The following FERMT1 variants were observed in gnomAD, a reference collection of about 807,000 sequenced individuals.
The protein encoded by FERMT1 is fermitin family homolog 1.
FERMT1 carries 60 observed loss-of-function variants against 85.3 expected under a neutral mutation model. The ratio of observed to expected loss-of-function variants is 0.70; its 90% CI spans 0.57 to 0.87. FERMT1 has a LOEUF of 0.87. FERMT1 is among the 40% of genes least tolerant of loss of function. The pLI, the probability that FERMT1 is intolerant of heterozygous loss-of-function variation, is 0.00. For synonymous variants in FERMT1, 275 were observed against 301.1 expected (o/e 0.91, Z 0.90); for missense variants, 701 against 818.9 (o/e 0.86, Z 1.76).
At position 6,083,901 on chromosome 20, in the gene FERMT1, G is replaced by A. The variant is rs1982083404; in HGVS notation, c.1718+139C>T. On this transcript the variant is annotated intron_variant, in intron 13 of 14. Transcript: ENST00000217289. ...AAAATGTTTATGAGCAGCCCAAAGT[G>A]TCAGGACTATTTATAAAAGGGCAAT... 5 of 971,046 alleles carry A rather than the reference G, an allele frequency of 5.1e-6. No individual in the cohort carries two copies. In the South Asian group the frequency reaches 5.7e-5, roughly 11 times the overall value. 60.2% of individuals were successfully genotyped at this position (971,046 alleles called of 1,614,324 possible). A position where few individuals can be genotyped will look rare whatever the true frequency, so the allele number is the denominator to read the frequency against.
chr20:6,088,672 A>AGGC (rs1982259530), intron 10 of FERMT1, among the ~76,000 whole-genome samples: 1 of 139,570 alleles, frequency 7.2e-6, no homozygotes, highest in Admixed American at 7.8e-5. Flanking sequence ...TCTATCACCC[A>AGGC]GGCTGGAGTG....
intron 4 of FERMT1, among the ~76,000 whole-genome samples, chr20:6,112,041 A>AT (rs949819100): frequency 4.0e-5 from 6 of 151,592 alleles, no homozygotes; most frequent in Admixed American, 6.6e-5. Flanking sequence ...TTATTTATTT[A>AT]TTTTTTGTAT....
At chr20:6,116,128 G>T in intron 2 of FERMT1, 84 bp from the exon 3 acceptor site, 1 of 957,426 alleles carries the variant, frequency 1.0e-6, no homozygotes, top group Non-Finnish European at 1.6e-6. Context: ...ATTTCATTGT[G>T]TGCGAAAATG....
intron 1 of FERMT1, 76 bp from the exon 2 acceptor site, chr20:6,119,648 A>G: frequency 7.6e-7 from 1 of 1,316,896 alleles, no homozygotes; most frequent in South Asian, 1.3e-5. Context: ...GCAGAGCAAA[A>G]TTTCTTTTTT....
intron 2 of FERMT1, among the ~76,000 whole-genome samples, chr20:6,118,751 G>A (rs896807439): frequency 2.0e-5 from 3 of 152,046 alleles, no homozygotes; most frequent in East Asian, 1.9e-4. Flanking sequence ...CATAGTAAAC[G>A]GTGGATAAGT....
chr20:6,099,264 A>G (rs1412280906), intron 6 of FERMT1, among the ~76,000 whole-genome samples: 1 of 152,002 alleles, frequency 6.6e-6, no homozygotes, highest in East Asian at 1.9e-4. Context: ...TTAGCCAGGC[A>G]TGGTGGCAGG....
chr20:6,097,303 G>C (rs1370893045), intron 7 of FERMT1, among the ~76,000 whole-genome samples: 1 of 152,226 alleles, frequency 6.6e-6, no homozygotes, highest in Admixed American at 6.5e-5. Flanking sequence ...GTGTCTTACA[G>C]AGGATGTGAG....
intron 13 of FERMT1, 117 bp from the exon 14 acceptor site, chr20:6,079,694 G>T: frequency 9.8e-7 from 1 of 1,019,190 alleles, no homozygotes; most frequent in Non-Finnish European, 1.5e-6. Flanking sequence ...CAGAGGAATG[G>T]ACAATGAAGA....
chr20:6,094,904 T>A (rs1420880016), intron 9 of FERMT1, 35 bp downstream of exon 9: 3 of 1,169,024 alleles, frequency 2.6e-6, no homozygotes, highest in Admixed American at 1.7e-5. Flanking sequence ...GACTTTGTTA[T>A]GAGTAACTCC....
chr20:6,109,402 G>T (rs530366324), intron 5 of FERMT1, among the ~76,000 whole-genome samples: 15 of 152,330 alleles, frequency 9.8e-5, no homozygotes, highest in African/African-American at 3.4e-4. Context: ...CACCCAGGCG[G>T]CACGGGGCCA....
chr20:6,111,371 C>T (rs1982944016), intron 4 of FERMT1, among the ~76,000 whole-genome samples: 1 of 151,952 alleles, frequency 6.6e-6, no homozygotes, highest in South Asian at 2.1e-4. Context: ...GTGGCTCATT[C>T]CTGTAATCCC....
intron 2 of FERMT1, among the ~76,000 whole-genome samples, chr20:6,118,305 T>C (rs1983164071): frequency 1.3e-5 from 2 of 152,144 alleles, no homozygotes; most frequent in Admixed American, 6.5e-5. Flanking sequence ...CTTTATAATC[T>C]CATTTGTATA....
chr20:6,121,232 C>T (rs1983265202), intron 1 of FERMT1, among the ~76,000 whole-genome samples: 1 of 152,156 alleles, frequency 6.6e-6, no homozygotes, highest in Non-Finnish European at 1.5e-5. Flanking sequence ...AAGCAATTCT[C>T]TGCCTCAGCC....
intron 13 of FERMT1, among the ~76,000 whole-genome samples, chr20:6,080,945 G>A (rs1981978097): frequency 6.6e-6 from 1 of 152,140 alleles, no homozygotes; most frequent in Admixed American, 6.5e-5. Flanking sequence ...TCAAAAGAAT[G>A]GCTGAACCCA....
At chr20:6,109,902 C>A (rs1037990175) in intron 5 of FERMT1, among the ~76,000 whole-genome samples, 213 of 123,398 alleles carry the variant, frequency 1.7e-3, no homozygotes, top group South Asian at 2.7e-3. Flanking sequence ...AACTCCATCT[C>A]AAAAAAAAAA....
intron 6 of FERMT1, among the ~76,000 whole-genome samples, chr20:6,106,625 G>C (rs6053910): frequency 0.31 from 46,631 of 152,068 alleles, 7,552 homozygotes; most frequent in East Asian, 0.54. Context: ...TCATCAGAAG[G>C]AAGGAAGAGG....
At chr20:6,094,044 C>T (rs964569205) in intron 9 of FERMT1, 22 of 152,190 alleles carry the variant, frequency 1.4e-4, no homozygotes, top group African/African-American at 5.1e-4. Context: ...AAAACCATAC[C>T]TGTAGAAACC....
At chr20:6,106,917 G>C (rs1485696212) in intron 6 of FERMT1, among the ~76,000 whole-genome samples, 1 of 152,122 alleles carries the variant, frequency 6.6e-6, no homozygotes, top group African/African-American at 2.4e-5. Context: ...TTCAGTTCTG[G>C]CCAGATGCGA....
At chr20:6,085,367 C>T (rs1982146837) in intron 11 of FERMT1, 80 bp from the exon 12 acceptor site, 2 of 1,296,180 alleles carry the variant, frequency 1.5e-6, no homozygotes, top group East Asian at 4.7e-5. Flanking sequence ...GGGCTTTCTA[C>T]CCCATTACAG....
Sources: allele counts gnomAD v4.1 joint callset (sites outside exome capture counted in the v4.1 genomes callset), GRCh38; gene constraint gnomAD v4.1.1; transcripts MANE v1.5; gene names NCBI Gene and HGNC (gene_info 2026-07-23, HGNC 2026-07-21).